The following ERC2 variants were observed in gnomAD, a reference collection of about 807,000 sequenced individuals.
The protein encoded by ERC2 is ERC protein 2.
Under a neutral mutation model 114.8 loss-of-function variants are expected in ERC2, and 42 were observed. The observed-to-expected ratio is 0.37, with a 90% CI of 0.29 to 0.47. The LOEUF is 0.47. Among genes scored for constraint, ERC2 ranks in the 20% least tolerant of loss-of-function variants. The pLI is 0.99. For missense variants in ERC2, 939 were observed against 1,150.7 expected (o/e 0.82, Z 2.66); for synonymous variants, 454 against 425.5 (o/e 1.07, Z -0.82).
At chr3:56,231,827 G>C (rs763151463) in intron 3 of ERC2, among the ~76,000 whole-genome samples, 38 of 151,960 alleles carry the variant, frequency 2.5e-4, no homozygotes, top group Non-Finnish European at 5.9e-5. Flanking sequence ...CTGAGCATCA[G>C]ACCATTTCTC....
chr3:56,301,700 TA>T (rs1458196067), intron 2 of ERC2, among the ~76,000 whole-genome samples: 1 of 118,472 alleles, frequency 8.4e-6, no homozygotes, highest in East Asian at 3.0e-4. Flanking sequence ...ACCCTGTATC[TA>T]AAAAAAATAA....
chr3:55,560,993 G>T (rs966972028), intron 17 of ERC2, among the ~76,000 whole-genome samples: 8 of 151,938 alleles, frequency 5.3e-5, no homozygotes, highest in African/African-American at 1.9e-4. Context: ...TTTGGGGAGG[G>T]CCCTCCACAC....
intron 13 of ERC2, among the ~76,000 whole-genome samples, chr3:55,907,281 G>C (rs1021356156): frequency 6.6e-6 from 1 of 152,208 alleles, no homozygotes; most frequent in African/African-American, 2.4e-5. Context: ...AAAGATCCCA[G>C]TTCAAATCCC....
intron 2 of ERC2, among the ~76,000 whole-genome samples, chr3:56,364,884 G>T (rs1039324402): frequency 6.6e-6 from 1 of 152,176 alleles, no homozygotes. Context: ...GAATGTCTGT[G>T]CTTATGATGC....
chr3:55,595,814 G>A (rs530287922), intron 17 of ERC2, among the ~76,000 whole-genome samples: 2 of 152,282 alleles, frequency 1.3e-5, no homozygotes, highest in South Asian at 2.1e-4. Flanking sequence ...TATAAACCAT[G>A]AGAGTATGGC....
chr3:55,898,981 C>T (rs867968275), intron 13 of ERC2, among the ~76,000 whole-genome samples: 1 of 152,212 alleles, frequency 6.6e-6, no homozygotes, highest in Non-Finnish European at 1.5e-5. Flanking sequence ...ATGTATGCCA[C>T]TAACTACATG....
intron 4 of ERC2, among the ~76,000 whole-genome samples, chr3:56,158,763 G>T (rs1352013): frequency 0.55 from 83,591 of 151,094 alleles, 23,726 homozygotes; most frequent in East Asian, 0.84. Context: ...TAAAAAATAG[G>T]GCATTTTCAA....
In ERC2 at chr3:55,577,791, C is replaced by T. The variant is rs550046511; in HGVS notation, c.*40-66515G>A. 1.6e-4 allele frequency among the ~76,000 whole-genome samples: 25 copies of T among 152,290 alleles called. 1 individual carries two copies. In the South Asian group the frequency reaches 5.2e-3, roughly 32 times the overall value. On this transcript the variant is annotated intron_variant, in intron 17 of 17. Transcript: ENST00000288221. Reference sequence around the variant, plus strand: ...TAGGTCCTAGAGGGCTTCATGTAACCTCCATGTTCCTGCGAAAGAAGAAGG... The same window carrying T: ...TAGGTCCTAGAGGGCTTCATGTAACTTCCATGTTCCTGCGAAAGAAGAAGG...
chr3:56,398,708 A>G (rs202168169), intron 2 of ERC2, among the ~76,000 whole-genome samples: 1 of 151,942 alleles, frequency 6.6e-6, no homozygotes, highest in East Asian at 1.9e-4. Flanking sequence ...GTTCACTGTA[A>G]CTCCTGTGCT....
intron 14 of ERC2, among the ~76,000 whole-genome samples, chr3:55,770,651 G>A (rs1575549329): frequency 6.6e-6 from 1 of 151,998 alleles, no homozygotes; most frequent in African/African-American, 2.4e-5. Flanking sequence ...TTAAGTTCTG[G>A]GATACATGTG....
At chr3:56,371,694 C>A (rs1285420926) in intron 2 of ERC2, among the ~76,000 whole-genome samples, 1 of 152,220 alleles carries the variant, frequency 6.6e-6, no homozygotes, top group African/African-American at 2.4e-5. Context: ...CCCAAGGGCT[C>A]AGGTTCAGCT....
intron 17 of ERC2, among the ~76,000 whole-genome samples, chr3:55,520,513 G>A (rs561508583): frequency 1.3e-5 from 2 of 152,060 alleles, no homozygotes; most frequent in Admixed American, 1.3e-4. Context: ...AGGAAAGGGA[G>A]AAACACACCT....
At chr3:56,119,933 A>G (rs1575492746) in intron 6 of ERC2, among the ~76,000 whole-genome samples, 1 of 152,232 alleles carries the variant, frequency 6.6e-6, no homozygotes, top group Admixed American at 6.5e-5. Flanking sequence ...ATTGTGGGAA[A>G]TAAAAGTACC....
intron 3 of ERC2, among the ~76,000 whole-genome samples, chr3:56,268,630 G>A (rs546044282): frequency 6.6e-6 from 1 of 152,258 alleles, no homozygotes. Context: ...CTTTTAATGT[G>A]TTATAATTGT....
chr3:55,852,336 T>C (rs1024247212), intron 14 of ERC2, among the ~76,000 whole-genome samples: 5 of 152,216 alleles, frequency 3.3e-5, no homozygotes, highest in African/African-American at 1.2e-4. Flanking sequence ...GCCAAAGACA[T>C]AGATTTTTAT....
chr3:55,834,516 T>G (rs1277370586), intron 14 of ERC2, among the ~76,000 whole-genome samples: 1 of 151,730 alleles, frequency 6.6e-6, no homozygotes, highest in East Asian at 1.9e-4. Flanking sequence ...GACTACTGGG[T>G]ACATAATGAA....
At chr3:56,314,791 A>G (rs1425014497) in intron 2 of ERC2, among the ~76,000 whole-genome samples, 3 of 152,180 alleles carry the variant, frequency 2.0e-5, no homozygotes, top group African/African-American at 7.2e-5. Context: ...CTAAGGCCCA[A>G]AGAGGTTGAC....
intron 12 of ERC2, among the ~76,000 whole-genome samples, chr3:55,972,179 T>G (rs2069209936): frequency 1.3e-5 from 2 of 152,174 alleles, no homozygotes; most frequent in South Asian, 4.1e-4. Context: ...GAAGTTATCA[T>G]CTTTATCATT....
intron 3 of ERC2, among the ~76,000 whole-genome samples, chr3:56,244,170 C>T (rs548290607): frequency 6.6e-6 from 1 of 152,250 alleles, no homozygotes; most frequent in East Asian, 1.9e-4. Context: ...AACTTCCTGT[C>T]ACCGTGACAT....
Sources: gnomAD v4.1 joint callset for allele counts (sites outside exome capture counted in the v4.1 genomes callset) on GRCh38, gnomAD v4.1.1 for gene constraint, MANE v1.5 for transcripts, NCBI Gene and HGNC (gene_info 2026-07-23, HGNC 2026-07-21) for gene names.